DGCR8: variants seen among roughly 807,000 people sequenced by gnomAD.
DGCR8 encodes the protein microprocessor complex subunit DGCR8.
Under a neutral mutation model 78.5 loss-of-function variants are expected in DGCR8, and 14 were observed. The observed-to-expected ratio is 0.18, with a 90% CI of 0.12 to 0.28. The LOEUF is 0.28. Among genes scored for constraint, DGCR8 ranks in the 10% least tolerant of loss-of-function variants. The pLI is 1.00. For synonymous variants in DGCR8, 399 were observed against 402.4 expected, an observed-to-expected ratio of 0.99 and a Z score of 0.10; for missense variants, 702 against 1,022.5, an observed-to-expected ratio of 0.69 and a Z score of 4.28.
In DGCR8 at chr22:20,090,000, A is replaced by G. The variant is rs200553015; in HGVS notation, c.1048A>G (p.Ile350Val). The change falls in exon 5 of 14, where the codon ATC becomes GTC. Residue 350 changes from isoleucine (I) to valine (V), a missense_variant. This residue lies in a region of DGCR8 where 119 missense variants were observed against 126.1 expected (regional missense o/e 0.94). Transcript: ENST00000351989. This position sits in a 1 kb window ranked among gnomAD's most constrained non-coding sequence, Gnocchi z 4.9. ...IRKHDPPLSS[I>V]PCLHYKKMKD... ...GAAACACGACCCTCCTCTGAGTAGCATCCCTTGTCTGCATTATAAGAAAAT... is the reference window on the plus strand; with the variant it reads ...GAAACACGACCCTCCTCTGAGTAGCGTCCCTTGTCTGCATTATAAGAAAAT... 330 of 1,613,430 alleles carry G rather than the reference A, an allele frequency of 2.0e-4. 1 individual carries two copies. Among genetic ancestry groups the G allele is most frequent in the Non-Finnish European group, 7.6e-6 (9 of 1,179,668 alleles).
Position 20,111,446 on chromosome 22 carries a change from C to T in DGCR8, c.*1338C>T. The T allele has an allele frequency of 2.5e-6, 1 of 398,256 alleles. No individual in the cohort carries two copies. Among genetic ancestry groups the T allele is most frequent in the Non-Finnish European group, 4.4e-6 (1 of 225,976 alleles). The allele number at this position is 398,256 out of a possible 1,614,324, so 24.7% of individuals were successfully genotyped here. ...ATCCTTCCCTCACTACCTGTGTGACCAAGGTTGGCTTCTGTTGACCTTTAA... is the reference window on the plus strand; with the variant it reads ...ATCCTTCCCTCACTACCTGTGTGACTAAGGTTGGCTTCTGTTGACCTTTAA... On this transcript the variant is annotated 3_prime_UTR_variant, in exon 14 of 14. Transcript: ENST00000351989.
At chr22:20,097,354 T>TTATAGGTC (rs2049640690) in intron 9 of DGCR8, among the ~76,000 whole-genome samples, 1 of 152,252 alleles carries the variant, frequency 6.6e-6, no homozygotes, top group Non-Finnish European at 1.5e-5. Context: ...ATCTTACATG[T>TTATAGGTC]TATAGGTCTA....
Position 20,086,447 on chromosome 22 carries a change from T to G in DGCR8, c.484T>G (p.Cys162Gly). Residue 162 changes from cysteine to glycine, a missense_variant, in exon 2 of 14, where the codon TGT (cysteine) becomes GGT (glycine). Physicochemically the swap from Cys to Gly is radical, Grantham distance 159. This residue lies in a region of DGCR8 where 356 missense variants were observed against 448.9 expected (regional missense o/e 0.79). Transcript: ENST00000351989. This position sits in a 1 kb window ranked among gnomAD's most constrained non-coding sequence, Gnocchi z 6.4. ...CCCTGTCAGTGGGGACGTGCATGCT[T>G]GTCCCTTTGGCGGGAGTGTTGGTGA... ...LSPVSGDVHA[C>G]PFGGSVGDGV... 1.2e-6 allele frequency: 2 copies of G among 1,613,910 alleles called. No individual in the cohort carries two copies. The highest frequency in any genetic ancestry group is 1.7e-6 in the Non-Finnish European group (2 of 1,179,992).
At chr22:20,092,492 C>T (rs773194980) in intron 7 of DGCR8, among the ~76,000 whole-genome samples, 1 of 152,180 alleles carries the variant, frequency 6.6e-6, no homozygotes, top group Non-Finnish European at 1.5e-5. Flanking sequence ...TTTCCCATTC[C>T]GGCAGTCCTG....
intron 1 of DGCR8, among the ~76,000 whole-genome samples, chr22:20,080,949 T>C (rs2049411259): frequency 1.3e-5 from 2 of 152,246 alleles, no homozygotes; most frequent in Non-Finnish European, 2.9e-5. Context: ...TTTGCATGCT[T>C]GCATGTACCT....
intron 9 of DGCR8, chr22:20,102,141 T>A: frequency 4.4e-6 from 4 of 902,106 alleles, no homozygotes; most frequent in Non-Finnish European, 5.3e-6. Flanking sequence ...TTTGGTACAG[T>A]ACTGTGAGTT....
intron 9 of DGCR8, chr22:20,101,475 G>A: frequency 5.2e-6 from 4 of 762,338 alleles, no homozygotes; most frequent in Non-Finnish European, 6.4e-6. Context: ...CTACTCGGGA[G>A]GCTGAGGCAG....
intron 12 of DGCR8, 74 bp downstream of exon 12, chr22:20,107,472 A>C: frequency 6.3e-7 from 1 of 1,578,332 alleles, no homozygotes; most frequent in Non-Finnish European, 8.7e-7. Context: ...CTCTGTGCTC[A>C]GAGGGGGCAG....
chr22:20,107,652 G>A (rs2147942134), intron 12 of DGCR8: 1 of 509,566 alleles, frequency 2.0e-6, no homozygotes, highest in Non-Finnish European at 3.6e-6. Flanking sequence ...TATGTGGCTT[G>A]TAGGGAGATG....
rs758842255 is a variant in DGCR8 at position 20,087,354 on chromosome 22, C to T, written c.880+33C>T. The stretch of plus-strand genomic sequence containing the variant: ...TGTGGGTCAGAAGCAGTGGGTGTTC[C>T]AGGGCAGTGGAGGGGTGGTTGCTTC... On this transcript the variant is annotated intron_variant, in intron 3 of 13. Transcript: ENST00000351989. The surrounding 1 kb of genome is among the most constrained non-coding windows in gnomAD (Gnocchi z 4.1). The T allele has an allele frequency of 6.4e-7, 1 of 1,569,960 alleles. No homozygotes were observed. Among genetic ancestry groups the T allele is most frequent in the East Asian group, 2.3e-5 (1 of 42,960 alleles).
chr22:20,098,165 A>G lies in DGCR8; in HGVS notation c.1788+3370A>G, dbSNP rs546270397. Among the ~76,000 whole-genome samples the G allele has an allele frequency of 7.9e-5, 12 of 151,388 alleles. No individual in the cohort carries two copies. In the East Asian group the frequency reaches 1.2e-3, roughly 15 times the overall value. On this transcript the variant is annotated intron_variant, in intron 9 of 13. Coordinates refer to ENST00000351989, the MANE Select transcript of DGCR8 (RefSeq NM_022720.7). ...GGAAAAAGAAAAAAAATATATATAT[A>G]TATGGGGTAGAGATGGGGTTTCACC...
At chr22:20,100,661 T>C (rs2049687854) in intron 9 of DGCR8, 1 of 985,380 alleles carries the variant, frequency 1.0e-6, no homozygotes. Flanking sequence ...CTGGGGTTCT[T>C]CTGTGAAGTG....
Position 20,086,539 on chromosome 22 carries a change from G to T in DGCR8, c.576G>T (p.Lys192Asn). 1 of 1,614,056 alleles carries T rather than the reference G, an allele frequency of 6.2e-7. No individual in the cohort carries two copies. Residue 192 changes from lysine (K) to asparagine (N), a missense_variant, in exon 2 of 14, where the codon AAG (lysine) becomes AAT (asparagine). Physicochemically the swap from Lys to Asn is moderately conservative, Grantham distance 94. Around this residue, in one of 4 missense-constraint regions of DGCR8, gnomAD observed 356 missense variants for 448.9 expected, o/e 0.79. Coordinates refer to ENST00000351989, the MANE Select transcript of DGCR8 (RefSeq NM_022720.7). This position sits in a 1 kb window ranked among gnomAD's most constrained non-coding sequence, Gnocchi z 6.4. ...KDEENELDQE[K>N]RVEYAVLDEL... ...AGGAGAATGAGCTGGATCAGGAAAA[G>T]AGAGTGGAGTATGCAGTGCTCGATG...
At chr22:20,091,303 C>T (rs2049556493) in intron 5 of DGCR8, 132 bp from the exon 6 acceptor site, 1 of 841,622 alleles carries the variant, frequency 1.2e-6, no homozygotes, top group Non-Finnish European at 1.9e-6. Context: ...TCTTTGCTTC[C>T]CTCCCCTTTG....
chr22:20,103,593 C>A (rs2049731769), intron 9 of DGCR8, among the ~76,000 whole-genome samples: 1 of 151,974 alleles, frequency 6.6e-6, no homozygotes, highest in Admixed American at 6.6e-5. Context: ...GTGTTAATGG[C>A]TTTAATTTGC....
chr22:20,083,343 C>A (rs771135727), intron 1 of DGCR8, among the ~76,000 whole-genome samples: 1 of 150,686 alleles, frequency 6.6e-6, no homozygotes, highest in Non-Finnish European at 1.5e-5. Flanking sequence ...TTTTGTCCAC[C>A]TTGTGTCTGT....
intron 9 of DGCR8, among the ~76,000 whole-genome samples, chr22:20,104,389 G>T (rs1312950243): frequency 4.0e-5 from 6 of 151,746 alleles, no homozygotes; most frequent in South Asian, 2.1e-4. Flanking sequence ...GGATGGTCTC[G>T]ATCTCCTGAC....
chr22:20,100,943 C>T (rs931468465), intron 9 of DGCR8: 2 of 601,478 alleles, frequency 3.3e-6, no homozygotes, highest in East Asian at 1.4e-4. Flanking sequence ...GCACAGGACC[C>T]CTCCTCGTGC....
chr22:20,103,309 TCA>T (rs1296712882), intron 9 of DGCR8, among the ~76,000 whole-genome samples: 2 of 152,082 alleles, frequency 1.3e-5, no homozygotes, highest in Non-Finnish European at 1.5e-5. Context: ...GCAGTTTTCA[TCA>T]CACAGGCCCT....
Sources: gnomAD v4.1 joint callset for allele counts (sites outside exome capture counted in the v4.1 genomes callset) on GRCh38, gnomAD v4.1.1 for gene constraint, gnomAD v4.1.1 regional missense constraint, Gnocchi (gnomAD v3.1) non-coding constraint, MANE v1.5 for transcripts, NCBI Gene and HGNC (gene_info 2026-07-23, HGNC 2026-07-21) for gene names.